Variants in XCR1 observed in about 807,000 individuals in gnomAD.
XCR1 encodes the protein chemokine XC receptor 1.
For missense variants in XCR1, 356 were observed against 424.2 expected (o/e 0.84, Z 1.41); for synonymous variants, 187 against 188.5 (o/e 0.99, Z 0.06).
chr3:46,031,175 C>T (rs1028170983), upstream of XCR1, among the ~76,000 whole-genome samples: 1 of 152,236 alleles, frequency 6.6e-6, no homozygotes, highest in Non-Finnish European at 1.5e-5. Flanking sequence ...CTTGGGCACC[C>T]CTGTGCTCTT....
chr3:46,021,360 C>G lies in XCR1; in HGVS notation c.588G>C (p.Leu196=). Residue 196 remains leucine, a synonymous_variant, in exon 2 of 2, where the codon CTG becomes CTC. Transcript: ENST00000309285. The surrounding 1 kb of genome is among the most constrained non-coding windows in gnomAD (Gnocchi z 4.7). ...AGCAGAACAGGATAATCCCCAGGGACAGCAGGAAGAAGAGGTTGTGCTGGT... is the reference window on the plus strand; with the variant it reads ...AGCAGAACAGGATAATCCCCAGGGAGAGCAGGAAGAAGAGGTTGTGCTGGT... ...SVYQHNLFFL[L]SLGIILFCYV... 6.2e-7 allele frequency: 1 copy of G among 1,614,182 alleles called. No individual in the cohort carries two copies. Among genetic ancestry groups the G allele is most frequent in the Non-Finnish European group, 8.5e-7 (1 of 1,180,040 alleles).
chr3:46,057,413 G>A (rs554789379), intron 4 of XCR1, among the ~76,000 whole-genome samples: 27 of 152,240 alleles, frequency 1.8e-4, no homozygotes, highest in South Asian at 1.2e-3. Context: ...AAAAATTGGC[G>A]TCTTGATTTT....
intron 5 of XCR1, among the ~76,000 whole-genome samples, chr3:46,043,729 C>CAT (rs1199761896): frequency 5.5e-5 from 5 of 91,466 alleles, no homozygotes; most frequent in African/African-American, 3.3e-4. Flanking sequence ...CACACACACA[C>CAT]ACACACACAC....
At chr3:46,034,638 C>T (rs1032930598) in intron 5 of XCR1, among the ~76,000 whole-genome samples, 17 of 152,116 alleles carry the variant, frequency 1.1e-4, no homozygotes, top group African/African-American at 3.9e-4. Context: ...AGTTTTGTTA[C>T]GTGCATATAT....
upstream of XCR1, among the ~76,000 whole-genome samples, chr3:46,030,443 T>C (rs1708374965): frequency 6.6e-6 from 1 of 152,256 alleles, no homozygotes; most frequent in African/African-American, 2.4e-5. Flanking sequence ...CCACAGATTT[T>C]TTTATTCCTT....
intron 4 of XCR1, among the ~76,000 whole-genome samples, chr3:46,066,290 G>T (rs780424685): frequency 6.6e-6 from 1 of 151,224 alleles, no homozygotes. Context: ...CTGTCACCAG[G>T]CTGGAGTGCA....
intron 1 of XCR1, among the ~76,000 whole-genome samples, chr3:46,079,074 C>T (rs1698311595): frequency 6.6e-6 from 1 of 152,194 alleles, no homozygotes; most frequent in African/African-American, 2.4e-5. Context: ...GTAAGCACCA[C>T]ACTTCCACCC....
At chr3:46,050,986 T>G (rs1697730173) in intron 5 of XCR1, among the ~76,000 whole-genome samples, 1 of 152,200 alleles carries the variant, frequency 6.6e-6, no homozygotes, top group South Asian at 2.1e-4. Context: ...TGCATTCAAT[T>G]GCTCTTTTAC....
intron 1 of XCR1, among the ~76,000 whole-genome samples, chr3:46,025,292 G>T (rs1708264402): frequency 6.6e-6 from 1 of 152,124 alleles, no homozygotes; most frequent in African/African-American, 2.4e-5. Context: ...TAATTCCAAT[G>T]CTTTGAAAGG....
intron 5 of XCR1, among the ~76,000 whole-genome samples, chr3:46,051,808 C>T (rs7637926): frequency 0.019 from 2,930 of 152,262 alleles, 89 homozygotes; most frequent in African/African-American, 0.065. Context: ...AGGCGGATCA[C>T]GAGGTCAGGA....
upstream of XCR1, among the ~76,000 whole-genome samples, chr3:46,032,089 C>T (rs576297742): frequency 1.5e-4 from 23 of 152,248 alleles, no homozygotes; most frequent in Non-Finnish European, 3.2e-4. Flanking sequence ...CTTCATTCTT[C>T]TGGTTTGCAG....
At chr3:46,030,598 G>A (rs572633298), upstream of XCR1, among the ~76,000 whole-genome samples, 4 of 152,304 alleles carry the variant, frequency 2.6e-5, no homozygotes, top group Admixed American at 6.5e-5. Context: ...TTTTGAGCTC[G>A]ATTATAACTA....
At chr3:46,082,339 T>G (rs1698383515) in intron 1 of XCR1, among the ~76,000 whole-genome samples, 1 of 152,076 alleles carries the variant, frequency 6.6e-6, no homozygotes, top group Non-Finnish European at 1.5e-5. Context: ...ACTGTGAGTA[T>G]CCTCTCTTGG....
chr3:46,037,449 G>A (rs2125896843), intron 5 of XCR1, among the ~76,000 whole-genome samples: 1 of 152,196 alleles, frequency 6.6e-6, no homozygotes, highest in Middle Eastern at 3.4e-3. Flanking sequence ...AATATTGTAT[G>A]AGAAAGATCT....
intron 5 of XCR1, among the ~76,000 whole-genome samples, chr3:46,038,621 T>C (rs903761235): frequency 2.6e-5 from 4 of 152,208 alleles, no homozygotes; most frequent in African/African-American, 9.7e-5. Context: ...CTCCAAAAAT[T>C]AATAAACACC....
intron 4 of XCR1, among the ~76,000 whole-genome samples, chr3:46,055,262 T>C (rs573900825): frequency 2.0e-5 from 3 of 152,362 alleles, no homozygotes; most frequent in Admixed American, 2.0e-4. Context: ...TTTCTGATGT[T>C]AGAATCATAA....
At chr3:46,041,003 T>G (rs1309250901) in intron 5 of XCR1, among the ~76,000 whole-genome samples, 1 of 152,228 alleles carries the variant, frequency 6.6e-6, no homozygotes, top group East Asian at 1.9e-4. Flanking sequence ...CTTTTTTGTT[T>G]GTTTTTCAGA....
At chr3:46,031,614 C>A (rs773821526), upstream of XCR1, among the ~76,000 whole-genome samples, 1 of 152,178 alleles carries the variant, frequency 6.6e-6, no homozygotes, top group Non-Finnish European at 1.5e-5. Flanking sequence ...AGCTCCTGGG[C>A]AGAAAGGGCC....
At chr3:46,082,560 A>G (rs1698391922) in intron 1 of XCR1, among the ~76,000 whole-genome samples, 1 of 145,798 alleles carries the variant, frequency 6.9e-6, no homozygotes, top group South Asian at 2.2e-4. Flanking sequence ...ACATGATCAT[A>G]ACTCACTGCG....
Sources: allele counts gnomAD v4.1 joint callset (sites outside exome capture counted in the v4.1 genomes callset), GRCh38; gene constraint gnomAD v4.1.1; non-coding constraint Gnocchi (gnomAD v3.1); transcripts MANE v1.5; gene names NCBI Gene and HGNC (gene_info 2026-07-23, HGNC 2026-07-21).